Variants in DDX10 observed in about 807,000 individuals in gnomAD.
The protein encoded by DDX10 is probable ATP-dependent RNA helicase DDX10.
DDX10 carries 74 observed loss-of-function variants against 104.3 expected under a neutral mutation model. The ratio of observed to expected loss-of-function variants is 0.71; its 90% CI spans 0.59 to 0.86. The LOEUF (loss-of-function observed/expected upper bound fraction) is 0.86, where lower values mean the gene tolerates loss of function less well. Among genes scored for constraint, DDX10 ranks in the 40% least tolerant of loss-of-function variants. DDX10 has a pLI of 0.00. For synonymous variants in DDX10, 351 were observed against 353.4 expected (o/e 0.99, Z 0.08); for missense variants, 952 against 1,040.0 (o/e 0.92, Z 1.16).
At chr11:108,698,676 G>C (rs2094263228) in intron 9 of DDX10, among the ~76,000 whole-genome samples, 1 of 152,288 alleles carries the variant, frequency 6.6e-6, no homozygotes, top group East Asian at 1.9e-4. Context: ...TTATTCTCCT[G>C]TCTAGTCAAT....
intron 11 of DDX10, 25 bp from the exon 12 acceptor site, chr11:108,719,772 T>C: frequency 1.4e-6 from 2 of 1,380,678 alleles, no homozygotes; most frequent in Non-Finnish European, 2.1e-6. Flanking sequence ...TATTATATTG[T>C]ACTTTTCAAC....
At chr11:108,904,564 A>G (rs924482181) in intron 16 of DDX10, among the ~76,000 whole-genome samples, 5 of 152,204 alleles carry the variant, frequency 3.3e-5, no homozygotes, top group South Asian at 2.1e-4. Context: ...TAGTTTTTCA[A>G]TAGCTCACTG....
At chr11:108,846,771 A>G (rs1355724761) in intron 15 of DDX10, among the ~76,000 whole-genome samples, 2 of 152,188 alleles carry the variant, frequency 1.3e-5, no homozygotes, top group South Asian at 2.1e-4. Flanking sequence ...ACGAATTTCA[A>G]TTCCCTTATA....
At chr11:108,809,572 T>G (rs1474416964) in intron 13 of DDX10, among the ~76,000 whole-genome samples, 1 of 151,812 alleles carries the variant, frequency 6.6e-6, no homozygotes, top group Non-Finnish European at 1.5e-5. Flanking sequence ...AATGGAAGAG[T>G]GGAGTCTGGG....
intron 6 of DDX10, among the ~76,000 whole-genome samples, chr11:108,683,506 C>G (rs920436276): frequency 6.6e-6 from 1 of 152,146 alleles, no homozygotes; most frequent in African/African-American, 2.4e-5. Flanking sequence ...ACCTCAAGTC[C>G]TACCTGCCTT....
chr11:108,678,536 T>G, intron 5 of DDX10, 101 bp downstream of exon 5: 1 of 1,244,022 alleles, frequency 8.0e-7, no homozygotes, highest in Non-Finnish European at 1.1e-6. Flanking sequence ...AGATAAATGT[T>G]ATGATTCAAA....
chr11:108,742,049 A>G (rs2624138), intron 13 of DDX10, among the ~76,000 whole-genome samples: 18,668 of 151,080 alleles, frequency 0.12, 1,551 homozygotes, highest in East Asian at 0.27. Flanking sequence ...GCCTGAGATC[A>G]GGAGTTCAAA....
intron 13 of DDX10, among the ~76,000 whole-genome samples, chr11:108,801,763 A>G (rs972362027): frequency 3.3e-5 from 5 of 152,148 alleles, no homozygotes; most frequent in Admixed American, 6.6e-5. Context: ...ACCGAAATCT[A>G]TGCTCTTAAC....
intron 13 of DDX10, among the ~76,000 whole-genome samples, chr11:108,837,949 A>G (rs1862579887): frequency 1.3e-5 from 2 of 151,964 alleles, no homozygotes. Context: ...GTCATTGGAT[A>G]TTTTACTGTG....
At chr11:108,930,402 A>G (rs1334505700) in intron 17 of DDX10, among the ~76,000 whole-genome samples, 3 of 152,228 alleles carry the variant, frequency 2.0e-5, no homozygotes, top group African/African-American at 7.2e-5. Flanking sequence ...CTATTGAAAG[A>G]CATCTTGGCT....
intron 17 of DDX10, among the ~76,000 whole-genome samples, chr11:108,925,364 T>A (rs1863895460): frequency 6.6e-6 from 1 of 152,166 alleles, no homozygotes; most frequent in African/African-American, 2.4e-5. Flanking sequence ...ATATATAACT[T>A]AGGACAGTTG....
intron 13 of DDX10, among the ~76,000 whole-genome samples, chr11:108,778,711 A>G: frequency 6.6e-6 from 1 of 152,238 alleles, no homozygotes; most frequent in East Asian, 1.9e-4. Flanking sequence ...AATTAAACTA[A>G]AGAGCTTCTG....
chr11:108,786,799 C>T (rs1861800591), intron 13 of DDX10, among the ~76,000 whole-genome samples: 1 of 152,160 alleles, frequency 6.6e-6, no homozygotes, highest in African/African-American at 2.4e-5. Context: ...TTTTATCCAT[C>T]TTGCCATTCT....
chr11:108,914,508 T>A (rs1863719971), intron 16 of DDX10, among the ~76,000 whole-genome samples: 1 of 152,144 alleles, frequency 6.6e-6, no homozygotes, highest in African/African-American at 2.4e-5. Flanking sequence ...AGCTCCTTAC[T>A]ATGGATTAGA....
intron 16 of DDX10, among the ~76,000 whole-genome samples, chr11:108,910,092 A>G (rs1462138282): frequency 4.6e-5 from 7 of 151,692 alleles, no homozygotes; most frequent in African/African-American, 1.5e-4. Context: ...AAAAAAAAAA[A>G]GGCTTGGGGG....
At chr11:108,912,478 A>G (rs974668361) in intron 16 of DDX10, among the ~76,000 whole-genome samples, 2 of 152,110 alleles carry the variant, frequency 1.3e-5, no homozygotes, top group Non-Finnish European at 2.9e-5. Context: ...TTCAAATGTT[A>G]TACCTTCCAA....
At chr11:108,758,564 A>C (rs534982337) in intron 13 of DDX10, among the ~76,000 whole-genome samples, 2 of 152,092 alleles carry the variant, frequency 1.3e-5, no homozygotes, top group Non-Finnish European at 2.9e-5. Context: ...CAACGGGTCA[A>C]TAATGCTGTT....
Position 108,842,148 on chromosome 11 carries a change from C to A in DDX10, c.2247+672C>A, listed in dbSNP as rs897805142. Among the ~76,000 whole-genome samples the A allele has an allele frequency of 2.6e-4, 39 of 152,186 alleles. No homozygotes were observed. In the East Asian group the frequency reaches 2.7e-3, roughly 11 times the overall value. On this transcript the variant is annotated intron_variant, in intron 15 of 17. Coordinates refer to ENST00000322536, the MANE Select transcript of DDX10 (RefSeq NM_004398.4). ...TGTGCCCTTGTGGTCTTGAACTTGG[C>A]AGTTTTCTGTTATCCTTGATATAGT...
In DDX10 at chr11:108,679,534, C is replaced by T. The variant is rs780628410; in HGVS notation, c.822C>T (p.Val274=). The T allele has an allele frequency of 7.5e-6, 12 of 1,605,718 alleles. No homozygotes were observed. The highest frequency in any genetic ancestry group is 1.1e-5 in the South Asian group (1 of 89,094). ...ARLSLKNPEY[V]WVHEKAKYST... ...TGAGTTTGAAAAACCCTGAGTATGT[C>T]TGGGTTCATGAAAAAGCAAAATATA... is the stretch of plus-strand genomic sequence containing the variant. The change falls in exon 6 of 18, where the codon GTC becomes GTT. Residue 274 remains valine, a synonymous_variant. Coordinates refer to ENST00000322536, the MANE Select transcript of DDX10 (RefSeq NM_004398.4).
Sources: gnomAD v4.1 joint callset for allele counts (sites outside exome capture counted in the v4.1 genomes callset) on GRCh38, gnomAD v4.1.1 for gene constraint, MANE v1.5 for transcripts, NCBI Gene and HGNC (gene_info 2026-07-23, HGNC 2026-07-21) for gene names.